The following CNTNAP2 variants were observed in gnomAD, a reference collection of about 807,000 sequenced individuals.
CNTNAP2 encodes contactin-associated protein-like 2.
In CNTNAP2, 98 loss-of-function variants were observed where a neutral mutation model predicts 155.2. The ratio of observed to expected loss-of-function variants is 0.63; its 90% CI spans 0.54 to 0.75. CNTNAP2 has a LOEUF of 0.75. Among genes scored for constraint, CNTNAP2 ranks in the 30% least tolerant of loss-of-function variants. The probability of loss-of-function intolerance (pLI) is 0.00; values close to 1 mark genes in which losing one functional copy is unlikely to be tolerated. For missense variants in CNTNAP2, 1,727 were observed against 1,688.1 expected (o/e 1.02, Z -0.40); for synonymous variants, 651 against 631.2 (o/e 1.03, Z -0.47).
At position 148,213,851 on chromosome 7, in the gene CNTNAP2, G is replaced by A. The variant is rs73170539; in HGVS notation, c.3011-3437G>A. Among the ~76,000 whole-genome samples the A allele has an allele frequency of 4.3e-3, 657 of 152,294 alleles. 4 individuals are homozygous for A. The highest frequency in any genetic ancestry group is 7.1e-3 in the Non-Finnish European group (480 of 68,036). The stretch of plus-strand genomic sequence containing the variant: ...ACTACTGAGGGCAGGGGTCACCTGT[G>A]CCTTGCTCACGGGATCCCCAACACC... On this transcript the variant is annotated intron_variant, in intron 18 of 23. Coordinates refer to ENST00000361727, the MANE Select transcript of CNTNAP2 (RefSeq NM_014141.6).
At chr7:148,387,498 C>T (rs1319593026) in intron 22 of CNTNAP2, among the ~76,000 whole-genome samples, 1 of 152,126 alleles carries the variant, frequency 6.6e-6, no homozygotes, top group Non-Finnish European at 1.5e-5. Flanking sequence ...GACTAGAGGA[C>T]ATTTGGAAGT....
intron 1 of CNTNAP2, among the ~76,000 whole-genome samples, chr7:146,393,057 T>A (rs995570669): frequency 6.6e-6 from 1 of 152,174 alleles, no homozygotes; most frequent in African/African-American, 2.4e-5. Flanking sequence ...AGAGCATCAA[T>A]GAAATGAAGA....
chr7:148,298,193 C>G lies in CNTNAP2; in HGVS notation c.3475+31067C>G, dbSNP rs540138999. Among the ~76,000 whole-genome samples, 13 of 152,242 alleles carry G rather than the reference C, an allele frequency of 8.5e-5. No homozygotes were observed. In the South Asian group the frequency reaches 1.5e-3, roughly 17 times the overall value. On this transcript the variant is annotated intron_variant, in intron 21 of 23. Coordinates refer to ENST00000361727, the MANE Select transcript of CNTNAP2 (RefSeq NM_014141.6). ...TGATCTAACTCCAAGTCCAACCTGC[C>G]TATTTTAGAAGGGTAGTTGGATGGT...
At chr7:146,203,015 GT>G (rs11447328) in intron 1 of CNTNAP2, among the ~76,000 whole-genome samples, 2 of 152,006 alleles carry the variant, frequency 1.3e-5, no homozygotes, top group African/African-American at 2.4e-5. Context: ...TTCTGCAAAA[GT>G]TTTTTGTTCT....
chr7:146,968,421 C>A (rs1293554673), intron 3 of CNTNAP2, among the ~76,000 whole-genome samples: 2 of 151,136 alleles, frequency 1.3e-5, no homozygotes, highest in East Asian at 3.9e-4. Flanking sequence ...TAGAATTCGG[C>A]TGTGAATCCA....
At chr7:147,713,134 T>C (rs1421954440) in intron 13 of CNTNAP2, among the ~76,000 whole-genome samples, 3 of 152,120 alleles carry the variant, frequency 2.0e-5, no homozygotes, top group African/African-American at 7.2e-5. Flanking sequence ...GTTATTTACT[T>C]TGAGGCTGCA....
intron 9 of CNTNAP2, among the ~76,000 whole-genome samples, chr7:147,315,907 C>T (rs181646927): frequency 6.6e-6 from 1 of 151,970 alleles, no homozygotes; most frequent in Non-Finnish European, 1.5e-5. Flanking sequence ...AGTACTTTAT[C>T]CCTATTTATT....
At chr7:148,337,705 G>C (rs1029627242) in intron 21 of CNTNAP2, among the ~76,000 whole-genome samples, 3 of 152,168 alleles carry the variant, frequency 2.0e-5, no homozygotes, top group African/African-American at 7.2e-5. Flanking sequence ...GGGTTTTTAT[G>C]TATTTCTAGC....
At chr7:147,788,963 G>A (rs2116569328) in intron 13 of CNTNAP2, among the ~76,000 whole-genome samples, 1 of 137,526 alleles carries the variant, frequency 7.3e-6, no homozygotes, top group Non-Finnish European at 1.5e-5. Context: ...GGAGTAAAGT[G>A]GTGTGATCTT....
intron 9 of CNTNAP2, among the ~76,000 whole-genome samples, chr7:147,355,321 T>C (rs79300771): frequency 0.018 from 2,779 of 152,148 alleles, 88 homozygotes; most frequent in African/African-American, 0.064. Context: ...TAGCACTAAG[T>C]GCCCACAGGA....
At chr7:147,979,068 C>A (rs1233457028) in intron 15 of CNTNAP2, among the ~76,000 whole-genome samples, 1 of 152,178 alleles carries the variant, frequency 6.6e-6, no homozygotes, top group Non-Finnish European at 1.5e-5. Context: ...AAAGAGATGT[C>A]CTAAGGAACG....
At chr7:148,175,196 A>C (rs1794911020) in intron 18 of CNTNAP2, among the ~76,000 whole-genome samples, 1 of 152,184 alleles carries the variant, frequency 6.6e-6, no homozygotes, top group African/African-American at 2.4e-5. Context: ...TTGCTGTGTA[A>C]ATAGTGCTGC....
At chr7:148,297,473 TC>T in intron 21 of CNTNAP2, among the ~76,000 whole-genome samples, 1 of 152,140 alleles carries the variant, frequency 6.6e-6, no homozygotes, top group African/African-American at 2.4e-5. Flanking sequence ...GATTCTTCAC[TC>T]ATTGCATCAT....
intron 3 of CNTNAP2, among the ~76,000 whole-genome samples, chr7:146,931,334 C>T (rs951026977): frequency 3.3e-5 from 5 of 151,642 alleles, no homozygotes; most frequent in Admixed American, 6.6e-5. Context: ...TCCTGAATGA[C>T]TACTGGGTAC....
At chr7:147,088,929 G>T (rs1800339051) in intron 4 of CNTNAP2, among the ~76,000 whole-genome samples, 1 of 152,032 alleles carries the variant, frequency 6.6e-6, no homozygotes, top group Admixed American at 6.6e-5. Flanking sequence ...GGGTGACAGA[G>T]CAAGATGCTG....
intron 3 of CNTNAP2, among the ~76,000 whole-genome samples, chr7:146,956,335 C>T (rs1797435411): frequency 6.6e-6 from 1 of 152,066 alleles, no homozygotes; most frequent in Admixed American, 6.6e-5. Flanking sequence ...TCAAAAAAGC[C>T]ATCAAGTTGC....
chr7:147,891,024 C>G (rs960703301), intron 13 of CNTNAP2, among the ~76,000 whole-genome samples: 2 of 152,070 alleles, frequency 1.3e-5, no homozygotes, highest in Non-Finnish European at 2.9e-5. Context: ...TTCAAAACAT[C>G]ATGTTGTATG....
chr7:146,816,510 T>C (rs1803173104), intron 2 of CNTNAP2, among the ~76,000 whole-genome samples: 1 of 152,192 alleles, frequency 6.6e-6, no homozygotes, highest in Non-Finnish European at 1.5e-5. Context: ...GAGAAACTAA[T>C]GGGCACACAC....
chr7:147,606,896 G>A (rs993982269), intron 12 of CNTNAP2, among the ~76,000 whole-genome samples: 2 of 143,588 alleles, frequency 1.4e-5, no homozygotes, highest in African/African-American at 5.3e-5. Context: ...GCTGGATTTA[G>A]AGGCACTTGA....
Sources: allele counts gnomAD v4.1 joint callset (sites outside exome capture counted in the v4.1 genomes callset), GRCh38; gene constraint gnomAD v4.1.1; transcripts MANE v1.5; gene names NCBI Gene and HGNC (gene_info 2026-07-23, HGNC 2026-07-21).